Variants in RARB observed in about 807,000 individuals in gnomAD.
RARB encodes retinoic acid receptor beta, also known as HBV-activated protein.
Under a neutral mutation model 51.9 loss-of-function variants are expected in RARB, and 17 were observed. The ratio of observed to expected loss-of-function variants is 0.33; its 90% CI spans 0.22 to 0.49. RARB has a LOEUF of 0.49. Among genes scored for constraint, RARB ranks in the 20% least tolerant of loss-of-function variants. RARB has a pLI of 0.99. For missense variants in RARB, 369 were observed against 550.8 expected, an observed-to-expected ratio of 0.67 and a Z score of 3.30; for synonymous variants, 215 against 195.4, an observed-to-expected ratio of 1.10 and a Z score of -0.84.
chr3:25,552,096 A>C (rs1157827591), intron 3 of RARB, among the ~76,000 whole-genome samples: 1 of 152,178 alleles, frequency 6.6e-6, no homozygotes, highest in Non-Finnish European at 1.5e-5. Flanking sequence ...ATGAGACAGC[A>C]AAGCCAATAA....
chr3:25,292,983 T>C (rs1407784994), intron 5 of RARB, among the ~76,000 whole-genome samples: 1 of 152,182 alleles, frequency 6.6e-6, no homozygotes, highest in African/African-American at 2.4e-5. Context: ...AAAAAGATCC[T>C]AGACACTCAG....
At chr3:24,866,882 TGGC>T (rs779799860) in intron 2 of RARB, among the ~76,000 whole-genome samples, 6 of 152,050 alleles carry the variant, frequency 3.9e-5, no homozygotes, top group Non-Finnish European at 7.4e-5. Flanking sequence ...AAGGATAGTT[TGGC>T]GGGAGAAAGG....
At chr3:24,901,385 A>C (rs545526421) in intron 2 of RARB, among the ~76,000 whole-genome samples, 1 of 152,202 alleles carries the variant, frequency 6.6e-6, no homozygotes, top group Non-Finnish European at 1.5e-5. Flanking sequence ...CCCCAAACCT[A>C]TATGGATTTC....
chr3:25,500,451 C>CTTTTTTTTTTTTTTTTTTTTTTT (rs1553624117), intron 2 of RARB, among the ~76,000 whole-genome samples: 1 of 49,940 alleles, frequency 2.0e-5, no homozygotes, highest in African/African-American at 8.4e-5. Flanking sequence ...TCTTTCTTTT[C>CTTTTTTTTTTTTTTTTTTTTTTT]TTGTTTTTTT....
chr3:25,496,543 C>T (rs539104506), intron 2 of RARB, among the ~76,000 whole-genome samples: 1 of 152,348 alleles, frequency 6.6e-6, no homozygotes, highest in East Asian at 1.9e-4. Flanking sequence ...GATAAATGCA[C>T]AGTGCCTATT....
In RARB at chr3:25,065,600, T is replaced by A. The variant is rs577502521; in HGVS notation, c.-328+5424T>A. Among the ~76,000 whole-genome samples the A allele has an allele frequency of 3.9e-5, 6 of 152,362 alleles. 1 individual carries two copies. The highest frequency in any genetic ancestry group is 1.4e-4 in the African/African-American group (6 of 41,592). On this transcript the variant is annotated intron_variant, in intron 3 of 11. Coordinates refer to the RARB transcript ENST00000383772. ...CTGACCAAGATACAGATACGATTGT[T>A]CTACCCAAAGTATGAACAGAATTCA...
At chr3:25,149,606 A>G (rs1700249650) in intron 4 of RARB, among the ~76,000 whole-genome samples, 1 of 152,164 alleles carries the variant, frequency 6.6e-6, no homozygotes, top group Non-Finnish European at 1.5e-5. Flanking sequence ...GGAAGACAGA[A>G]TCACCCTCTA....
intron 5 of RARB, among the ~76,000 whole-genome samples, chr3:25,370,599 G>A (rs1203262393): frequency 6.6e-6 from 1 of 152,220 alleles, no homozygotes; most frequent in Non-Finnish European, 1.5e-5. Context: ...CATGGCTTAG[G>A]TAGTAGAGGC....
intron 2 of RARB, among the ~76,000 whole-genome samples, chr3:24,920,594 G>A (rs925441136): frequency 6.6e-6 from 1 of 152,140 alleles, no homozygotes; most frequent in African/African-American, 2.4e-5. Context: ...GCATGGCCTT[G>A]TCCAAGGTCA....
rs368351358 is a variant in RARB, at chr3:25,470,003, C to T, written c.306+8662C>T. Among the ~76,000 whole-genome samples the T allele has an allele frequency of 9.4e-4, 143 of 152,250 alleles. 1 individual carries two copies. Among genetic ancestry groups the T allele is most frequent in the African/African-American group, 3.4e-3 (140 of 41,548 alleles). ...GGAGTGGTGCTGGGTGCAAGGTCTG[C>T]GTGTTCAGTTCCGGAGGCCGTGTTG... On this transcript the variant is annotated intron_variant, in intron 2 of 7. Coordinates refer to ENST00000330688, the MANE Select transcript of RARB (RefSeq NM_000965.5).
chr3:25,308,566 A>G (rs1704209142), intron 5 of RARB, among the ~76,000 whole-genome samples: 1 of 150,542 alleles, frequency 6.6e-6, no homozygotes, highest in Non-Finnish European at 1.5e-5. Flanking sequence ...CTCGTGCCTC[A>G]GCCTCCAGAG....
Position 25,364,373 on chromosome 3 carries a change from C to T in RARB, c.179-96820C>T, listed in dbSNP as rs549621934. On this transcript the variant is annotated intron_variant, in intron 5 of 11. Transcript: ENST00000383772. ...TTTTAAACAACACTGGCTCACAGCC[C>T]CCTATGAAAGTCTGTTGAATCCTAT... Among the ~76,000 whole-genome samples, 16 of 152,278 alleles carry T rather than the reference C, an allele frequency of 1.1e-4. No homozygotes were observed. The East Asian group carries it at 3.1e-3, about 29-fold the overall frequency.
chr3:25,338,611 A>G (rs560963832), intron 5 of RARB, among the ~76,000 whole-genome samples: 1 of 151,996 alleles, frequency 6.6e-6, no homozygotes, highest in Non-Finnish European at 1.5e-5. Context: ...AGTTCAAAAG[A>G]AAAGATTCAG....
intron 4 of RARB, among the ~76,000 whole-genome samples, chr3:25,152,364 T>C (rs1700300895): frequency 6.6e-6 from 1 of 152,220 alleles, no homozygotes; most frequent in Non-Finnish European, 1.5e-5. Context: ...TATTATGTTA[T>C]AAAGCAGGTT....
intron 2 of RARB, among the ~76,000 whole-genome samples, chr3:25,484,274 G>A (rs759369762): frequency 2.0e-5 from 3 of 152,286 alleles, no homozygotes; most frequent in Non-Finnish European, 4.4e-5. Context: ...ATTTCTTCAA[G>A]GCTGAGGTTT....
At chr3:25,274,484 C>T (rs1703331748) in intron 5 of RARB, among the ~76,000 whole-genome samples, 1 of 152,152 alleles carries the variant, frequency 6.6e-6, no homozygotes, top group South Asian at 2.1e-4. Context: ...TCAGGAAGGC[C>T]TCTCCTACTC....
chr3:24,951,873 T>C (rs1380181219), intron 2 of RARB, among the ~76,000 whole-genome samples: 1 of 152,192 alleles, frequency 6.6e-6, no homozygotes, highest in African/African-American at 2.4e-5. Context: ...CTCACCTTTG[T>C]TTTCTTCTGG....
intron 5 of RARB, among the ~76,000 whole-genome samples, chr3:25,333,131 C>T (rs370646695): frequency 0.06 from 9,170 of 152,154 alleles, 296 homozygotes; most frequent in African/African-American, 0.082. Context: ...AATGCCATCC[C>T]CATCAAGCTA....
intron 2 of RARB, among the ~76,000 whole-genome samples, chr3:25,462,825 G>T (rs1695248422): frequency 6.6e-6 from 1 of 152,136 alleles, no homozygotes; most frequent in Non-Finnish European, 1.5e-5. Flanking sequence ...TTCCCATCAG[G>T]CTGGCCCTGG....
Sources: gnomAD v4.1 joint callset for allele counts (sites outside exome capture counted in the v4.1 genomes callset) on GRCh38, gnomAD v4.1.1 for gene constraint, MANE v1.5 for transcripts, NCBI Gene and HGNC (gene_info 2026-07-23, HGNC 2026-07-21) for gene names.